The following DPY30 variants were observed in gnomAD, a reference collection of about 807,000 sequenced individuals.
DPY30 encodes the protein protein dpy-30 homolog.
Under a neutral mutation model 16.2 loss-of-function variants are expected in DPY30, and 6 were observed. The observed-to-expected ratio is 0.37, with a 90% CI of 0.20 to 0.73. The LOEUF is 0.73. Among genes scored for constraint, DPY30 ranks in the 30% least tolerant of loss-of-function variants. DPY30 has a pLI of 0.51. For synonymous variants in DPY30, 39 were observed against 38.8 expected, an observed-to-expected ratio of 1.00 and a Z score of -0.02; for missense variants, 73 against 113.1, an observed-to-expected ratio of 0.65 and a Z score of 1.61.
At chr2:32,019,703 C>A (rs886687186), downstream of DPY30, among the ~76,000 whole-genome samples, 7 of 150,654 alleles carry the variant, frequency 4.6e-5, no homozygotes, top group Admixed American at 3.3e-4. Flanking sequence ...GCCTGTAATC[C>A]CAGCTACTAG....
chr2:32,030,629 CAAA>C lies in DPY30; in HGVS notation c.85-896_85-894del, dbSNP rs35489420. The stretch of plus-strand genomic sequence containing the variant: ...TGGGCGACAGAGCGAGACTCAGTCT[CAAA>C]AAAAAAAAAAAAAAAAATTATCCAG... On this transcript the variant is annotated intron_variant, in intron 3 of 4. Transcript: ENST00000342166. 9.7e-5 allele frequency among the ~76,000 whole-genome samples: 7 copies of C among 72,310 alleles called. No homozygotes were observed. The East Asian group carries it at 1.1e-3, about 12-fold the overall frequency. The allele number at this position is 72,310 out of a possible 152,430, so 47.4% of individuals were successfully genotyped here. A position where few individuals can be genotyped will look rare whatever the true frequency, so the allele number is the denominator to read the frequency against.
At chr2:32,023,825 CAGA>C (rs773846890), downstream of DPY30, 20 of 1,304,704 alleles carry the variant, frequency 1.5e-5, no homozygotes, top group African/African-American at 4.6e-5. Context: ...CATTTGAAGA[CAGA>C]AGAAAAAGAG....
At chr2:32,038,409 A>G (rs1293045670) in intron 3 of DPY30, among the ~76,000 whole-genome samples, 20 of 34,342 alleles carry the variant, frequency 5.8e-4, no homozygotes, top group Admixed American at 1.8e-3. Context: ...CCTTATTTTG[A>G]GGGGGGGGGG....
chr2:32,037,466 C>T (rs1204913641), intron 3 of DPY30, among the ~76,000 whole-genome samples: 1 of 152,032 alleles, frequency 6.6e-6, no homozygotes, highest in Non-Finnish European at 1.5e-5. Context: ...CCGTCACACC[C>T]AGCTAATTTT....
chr2:32,031,764 G>A (rs1318954498), intron 3 of DPY30, among the ~76,000 whole-genome samples: 4 of 150,924 alleles, frequency 2.7e-5, no homozygotes, highest in Non-Finnish European at 4.4e-5. Flanking sequence ...GTAGTAGTGC[G>A]CGCCTGTAAT....
At chr2:32,036,941 C>A (rs550034355) in intron 3 of DPY30, among the ~76,000 whole-genome samples, 1 of 152,148 alleles carries the variant, frequency 6.6e-6, no homozygotes, top group East Asian at 1.9e-4. Flanking sequence ...TAAAGAAAAT[C>A]TCAAAAGTAG....
At chr2:32,027,754 G>T (rs1206420753) in intron 4 of DPY30, among the ~76,000 whole-genome samples, 1 of 147,046 alleles carries the variant, frequency 6.8e-6, no homozygotes, top group East Asian at 2.3e-4. Flanking sequence ...TCAGCCTCCC[G>T]AGTAGCTGGG....
At chr2:32,027,466 G>A (rs1675373875) in intron 4 of DPY30, among the ~76,000 whole-genome samples, 1 of 148,394 alleles carries the variant, frequency 6.7e-6, no homozygotes, top group Non-Finnish European at 1.5e-5. Flanking sequence ...GGAGGTGGAG[G>A]TTGCAGTGAC....
chr2:32,030,943 C>T (rs1050852675), intron 3 of DPY30, among the ~76,000 whole-genome samples: 2 of 151,856 alleles, frequency 1.3e-5, no homozygotes, highest in Non-Finnish European at 2.9e-5. Context: ...TTCCCCATTC[C>T]GGCAGGTAAC....
intron 3 of DPY30, among the ~76,000 whole-genome samples, chr2:32,036,936 A>G (rs1282994904): frequency 6.6e-6 from 1 of 152,198 alleles, no homozygotes; most frequent in East Asian, 1.9e-4. Context: ...TGGTATAAAG[A>G]AAATCTCAAA....
intron 5 of DPY30, among the ~76,000 whole-genome samples, chr2:32,016,830 T>C (rs1675074469): frequency 6.6e-6 from 1 of 152,208 alleles, no homozygotes; most frequent in Admixed American, 6.5e-5. Context: ...AGGAACTGTT[T>C]ATATGATTTC....
At chr2:32,021,382 A>C (rs1258760037), downstream of DPY30, among the ~76,000 whole-genome samples, 1 of 151,980 alleles carries the variant, frequency 6.6e-6, no homozygotes, top group Admixed American at 6.6e-5. Flanking sequence ...AGAATGCCTT[A>C]AAGATTTTTG....
intron 4 of DPY30, among the ~76,000 whole-genome samples, chr2:32,025,114 T>C (rs1305255986): frequency 6.6e-6 from 1 of 152,190 alleles, no homozygotes; most frequent in East Asian, 1.9e-4. Context: ...GACAAGATTT[T>C]TCACTTAGTA....
At chr2:32,033,047 A>G (rs569861900) in intron 3 of DPY30, among the ~76,000 whole-genome samples, 61 of 151,782 alleles carry the variant, frequency 4.0e-4, no homozygotes, top group African/African-American at 1.5e-3. Context: ...GCGGTGGCTC[A>G]TGCCTGTAAT....
intron 3 of DPY30, among the ~76,000 whole-genome samples, chr2:32,034,803 G>A (rs1015947566): frequency 8.6e-5 from 13 of 151,792 alleles, no homozygotes; most frequent in African/African-American, 2.7e-4. Flanking sequence ...GTTTGAGACC[G>A]TCCTGGCCAA....
chr2:32,019,928 T>C (rs1675143588), downstream of DPY30, among the ~76,000 whole-genome samples: 1 of 148,172 alleles, frequency 6.7e-6, no homozygotes, highest in South Asian at 2.1e-4. Context: ...ATACATATAT[T>C]TGTACATATA....
chr2:32,018,751 G>A (rs1675109552), intron 5 of DPY30, among the ~76,000 whole-genome samples: 1 of 152,142 alleles, frequency 6.6e-6, no homozygotes, highest in African/African-American at 2.4e-5. Context: ...TAGGCATGGT[G>A]GCTCATGCCT....
At chr2:32,018,568 A>G (rs1446969841) in intron 5 of DPY30, among the ~76,000 whole-genome samples, 2 of 152,212 alleles carry the variant, frequency 1.3e-5, no homozygotes, top group Admixed American at 6.5e-5. Context: ...TCTGCTTAAA[A>G]TATAAAAAAT....
intron 5 of DPY30, among the ~76,000 whole-genome samples, chr2:32,016,655 G>A (rs1308402546): frequency 2.0e-5 from 3 of 151,412 alleles, no homozygotes; most frequent in Non-Finnish European, 4.4e-5. Context: ...TCAATTCAAG[G>A]TTTCTATTTC....
Sources: allele counts gnomAD v4.1 joint callset (sites outside exome capture counted in the v4.1 genomes callset), GRCh38; gene constraint gnomAD v4.1.1; transcripts MANE v1.5; gene names NCBI Gene and HGNC (gene_info 2026-07-23, HGNC 2026-07-21).